The following TACC2 variants were observed in gnomAD, a reference collection of about 807,000 sequenced individuals.
The protein encoded by TACC2 is transforming acidic coiled-coil containing protein 2.
A neutral mutation model predicts 227.3 loss-of-function variants in TACC2; 137 were observed. The ratio of observed to expected loss-of-function variants is 0.60; its 90% CI spans 0.52 to 0.69. The LOEUF (loss-of-function observed/expected upper bound fraction) is 0.69. TACC2 is among the 30% of genes least tolerant of loss of function. The pLI, the probability that TACC2 is intolerant of heterozygous loss-of-function variation, is 0.00. For synonymous variants in TACC2, 1,523 were observed against 1,487.5 expected (o/e 1.02, Z -0.55); for missense variants, 3,470 against 3,694.4 (o/e 0.94, Z 1.57).
At chr10:122,252,239 C>G (rs1159508666) in intron 22 of TACC2, among the ~76,000 whole-genome samples, 1 of 152,198 alleles carries the variant, frequency 6.6e-6, no homozygotes, top group Non-Finnish European at 1.5e-5. Context: ...AATTTGTGTT[C>G]CAGGCTTGCC....
rs752021756 is a variant in TACC2, at chr10:122,210,277, G to A, written c.5972-120G>A. Reference sequence around the variant, plus strand: ...AAGTAGTACACACAGTGATGGGCGGGGTGGCCTGGGGCCGTGGTTTGTCAA... The same window carrying A: ...AAGTAGTACACACAGTGATGGGCGGAGTGGCCTGGGGCCGTGGTTTGTCAA... On this transcript the variant is annotated intron_variant, in intron 8 of 22. Transcript: ENST00000369005. This position sits in a 1 kb window ranked among gnomAD's most constrained non-coding sequence, Gnocchi z 4.6. 1.1e-5 allele frequency: 8 copies of A among 761,432 alleles called. No homozygotes were observed. The African/African-American group carries it at 1.4e-4, about 13-fold the overall frequency. The allele number at this position is 761,432 out of a possible 1,614,324, so 47.2% of individuals were successfully genotyped here.
intron 1 of TACC2, among the ~76,000 whole-genome samples, chr10:121,998,268 C>T (rs1043591851): frequency 3.4e-5 from 5 of 146,640 alleles, no homozygotes; most frequent in African/African-American, 5.1e-5. Flanking sequence ...GCTGAGATCA[C>T]ACCACTGCAC....
intron 1 of TACC2, among the ~76,000 whole-genome samples, chr10:122,012,075 C>A (rs1044217986): frequency 1.3e-5 from 2 of 151,994 alleles, no homozygotes. Context: ...GTTTCTGGAA[C>A]TACAGGCACC....
At chr10:122,043,510 T>C (rs2074577667) in intron 2 of TACC2, among the ~76,000 whole-genome samples, 1 of 126,006 alleles carries the variant, frequency 7.9e-6, no homozygotes. Context: ...TTTTTCTCTT[T>C]CTTTTTCTTT....
chr10:122,043,441 TTCTTTCTTTCTTTCTTTC>T (rs972329540), intron 2 of TACC2, among the ~76,000 whole-genome samples: 22 of 102,740 alleles, frequency 2.1e-4, no homozygotes, highest in African/African-American at 6.4e-4. Context: ...ATAATTAGAT[TTCTTTCTTTCTTTCTTTC>T]TCTTTCTTTC....
At chr10:122,032,131 C>T (rs72839661) in intron 2 of TACC2, among the ~76,000 whole-genome samples, 7,953 of 152,214 alleles carry the variant, frequency 0.052, 265 homozygotes, top group Admixed American at 0.11. Context: ...GTCATGCACC[C>T]GCCTCAACAG....
Position 122,082,927 on chromosome 10 carries a change from G to T in TACC2, c.427G>T (p.Ala143Ser). ...GACTCAGTCTCCCAGGAGGGAACCT[G>T]CCCCAAATGCCCCAGGAGACATCGC... is the stretch of plus-strand genomic sequence containing the variant. ...PQTQSPRREP[A>S]PNAPGDIAAA... The change falls in exon 4 of 23, where the codon GCC becomes TCC. Residue 143 changes from alanine (A) to serine (S), a missense_variant. Physicochemically the swap from Ala to Ser is moderately conservative, Grantham distance 99 (BLOSUM62 1). This residue lies in a region of TACC2 where 405 missense variants were observed against 389.6 expected (regional missense o/e 1.04). Coordinates refer to ENST00000369005, the MANE Select transcript of TACC2 (RefSeq NM_206862.4). 1 of 1,613,046 alleles carries T rather than the reference G, an allele frequency of 6.2e-7. No individual in the cohort carries two copies. The highest frequency in any genetic ancestry group is 8.5e-7 in the Non-Finnish European group (1 of 1,180,026).
chr10:122,085,572 T>C lies in TACC2; in HGVS notation c.3072T>C (p.Cys1024=), dbSNP rs1406554177. The change falls in exon 4 of 23, where the codon TGT becomes TGC. Residue 1024 remains cysteine (C), a synonymous_variant. Coordinates refer to ENST00000369005, the MANE Select transcript of TACC2 (RefSeq NM_206862.4). ...HPGASEAADG[C]SPLWGLSKRE... ...GAGCTTCTGAAGCAGCTGATGGTTG[T>C]TCCCCACTCTGGGGCTTGAGTAAGA... The C allele has an allele frequency of 6.2e-7, 1 of 1,613,282 alleles. No individual in the cohort carries two copies. The highest frequency in any genetic ancestry group is 1.7e-5 in the Admixed American group (1 of 60,020).
chr10:122,045,038 C>T (rs2943764), intron 2 of TACC2, among the ~76,000 whole-genome samples: 30,672 of 151,992 alleles, frequency 0.2, 4,059 homozygotes, highest in African/African-American at 0.37. Context: ...ATCTCTAAGA[C>T]GGGGAACAGG....
At chr10:122,158,608 G>T (rs1413614665) in intron 7 of TACC2, among the ~76,000 whole-genome samples, 3 of 152,094 alleles carry the variant, frequency 2.0e-5, no homozygotes, top group African/African-American at 4.8e-5. Context: ...ACTTTGAAAG[G>T]TTCCAGGTGT....
chr10:122,063,264 C>G lies in TACC2; in HGVS notation c.146+12714C>G, dbSNP rs2077033410. ...CCCTGTATTTCCCAGGCGGCCTGCT[C>G]TGTTCCTTCCAAACTTGGGAGGACT... On this transcript the variant is annotated intron_variant, in intron 3 of 22. Transcript: ENST00000369005. Among the ~76,000 whole-genome samples the G allele has an allele frequency of 2.0e-5, 3 of 152,254 alleles. No homozygotes were observed. The South Asian group carries it at 6.2e-4, about 32-fold the overall frequency.
intron 11 of TACC2, among the ~76,000 whole-genome samples, chr10:122,218,522 T>A (rs557104120): frequency 9.2e-5 from 14 of 152,354 alleles, no homozygotes; most frequent in African/African-American, 3.4e-4. Context: ...CATGCAATTA[T>A]GGTAGATCTA....
chr10:122,168,050 C>CTTTTTTTTTTTTTTTTTTT (rs57366476), intron 7 of TACC2, among the ~76,000 whole-genome samples: 1 of 131,740 alleles, frequency 7.6e-6, no homozygotes, highest in African/African-American at 3.0e-5. Flanking sequence ...CCATGCCCAG[C>CTTTTTTTTTTTTTTTTTTT]TTTTTTTTTT....
At chr10:121,997,309 ATCTCC>A (rs1351707614) in intron 1 of TACC2, among the ~76,000 whole-genome samples, 45 of 151,882 alleles carry the variant, frequency 3.0e-4, no homozygotes, top group Non-Finnish European at 2.2e-4. Flanking sequence ...GGGTGGATGG[ATCTCC>A]TCTGCTGGGA....
chr10:122,083,181 G>A lies in TACC2; in HGVS notation c.681G>A (p.Glu227=), dbSNP rs772300166. Reference sequence around the variant, plus strand: ...AGCCTGGTGGTTTTGAGTCCCAAGAGAAAGAGGCTGCAGGTGGCTTTCCCC... The same window carrying A: ...AGCCTGGTGGTTTTGAGTCCCAAGAAAAAGAGGCTGCAGGTGGCTTTCCCC... ...GDQPGGFESQ[E]KEAAGGFPPA... Residue 227 remains glutamate (E), a synonymous_variant, in exon 4 of 23, where the codon GAG becomes GAA. Coordinates refer to ENST00000369005, the MANE Select transcript of TACC2 (RefSeq NM_206862.4). 10 of 1,613,400 alleles carry A rather than the reference G, an allele frequency of 6.2e-6. No homozygotes were observed. Among genetic ancestry groups the A allele is most frequent in the South Asian group, 3.3e-5 (3 of 91,078 alleles).
chr10:121,997,207 G>A (rs1399707656), intron 1 of TACC2, among the ~76,000 whole-genome samples: 1 of 152,160 alleles, frequency 6.6e-6, no homozygotes, highest in East Asian at 1.9e-4. Context: ...AAACCCACCC[G>A]AAAAGGGGCA....
Position 122,226,361 on chromosome 10 carries a change from T to C in TACC2, c.7609-5T>C, listed in dbSNP as rs1338398123. The C allele has an allele frequency of 6.2e-7, 1 of 1,610,700 alleles. No individual in the cohort carries two copies. On this transcript the variant is annotated splice_polypyrimidine_tract_variant and splice_region_variant and intron_variant, in intron 12 of 22. Transcript: ENST00000369005. ...CAAGCTGATATGTGATTTTGATCCC[T>C]GCAGCAGGACGACGATGCCCCGAAG...
intron 20 of TACC2, 115 bp from the exon 21 acceptor site, chr10:122,248,935 A>AGGCAGACTTGGCCGCCTGGGGT: frequency 6.7e-7 from 1 of 1,494,186 alleles, no homozygotes; most frequent in Non-Finnish European, 9.2e-7. Context: ...CAGGCTGGGG[A>AGGCAGACTTGGCCGCCTGGGGT]GGCAGACTTG....
rs777008551 is a variant in TACC2 at position 122,086,257 on chromosome 10, G to A, written c.3757G>A (p.Val1253Met). 1.2e-6 allele frequency: 2 copies of A among 1,614,014 alleles called. No individual in the cohort carries two copies. Among genetic ancestry groups the A allele is most frequent in the African/African-American group, 1.3e-5 (1 of 75,064 alleles). ...AAQRGAEDSG[V>M]KAVSSADPRA... Reference sequence around the variant, plus strand: ...CCAGAGAGGAGCAGAAGACAGTGGAGTGAAAGCTGTTTCCTCTGCAGACCC... The same window carrying A: ...CCAGAGAGGAGCAGAAGACAGTGGAATGAAAGCTGTTTCCTCTGCAGACCC... The change falls in exon 4 of 23, where the codon GTG becomes ATG. Residue 1253 changes from valine (V) to methionine (M), a missense_variant. Coordinates refer to ENST00000369005, the MANE Select transcript of TACC2 (RefSeq NM_206862.4).
Sources: allele counts gnomAD v4.1 joint callset (sites outside exome capture counted in the v4.1 genomes callset), GRCh38; gene constraint gnomAD v4.1.1; regional missense constraint gnomAD v4.1.1; non-coding constraint Gnocchi (gnomAD v3.1); transcripts MANE v1.5; gene names NCBI Gene and HGNC (gene_info 2026-07-23, HGNC 2026-07-21).